The following DPP6 variants were observed in gnomAD, a reference collection of about 807,000 sequenced individuals.
The protein encoded by DPP6 is dipeptidyl peptidase like 6, also known as A-type potassium channel modulatory protein DPP6.
A neutral mutation model predicts 122.6 loss-of-function variants in DPP6; 69 were observed. That is an observed-to-expected ratio of 0.56 (90% CI 0.46 to 0.69). The LOEUF is 0.69. Among genes scored for constraint, DPP6 ranks in the 30% least tolerant of loss-of-function variants. DPP6 has a pLI of 0.00. For missense variants in DPP6, 928 were observed against 1,116.9 expected (o/e 0.83, Z 2.41); for synonymous variants, 418 against 433.1 (o/e 0.97, Z 0.43).
chr7:153,942,580 G>A (rs148719478), intron 1 of DPP6, among the ~76,000 whole-genome samples: 1 of 152,300 alleles, frequency 6.6e-6, no homozygotes, highest in East Asian at 1.9e-4. Flanking sequence ...AGACCGGTCT[G>A]TAAAATCAAT....
chr7:154,599,415 T>C (rs988041703), intron 5 of DPP6, among the ~76,000 whole-genome samples: 1 of 152,110 alleles, frequency 6.6e-6, no homozygotes, highest in African/African-American at 2.4e-5. Flanking sequence ...GTGGCTCAGG[T>C]GACGAGGTGA....
At chr7:154,477,847 A>C (rs1160616850) in intron 3 of DPP6, among the ~76,000 whole-genome samples, 5 of 152,124 alleles carry the variant, frequency 3.3e-5, no homozygotes, top group Non-Finnish European at 7.4e-5. Context: ...GGTGTTGAGG[A>C]GCTTTCTTAG....
At chr7:154,769,892 C>G (rs1478672144) in intron 9 of DPP6, among the ~76,000 whole-genome samples, 1 of 152,176 alleles carries the variant, frequency 6.6e-6, no homozygotes, top group Non-Finnish European at 1.5e-5. Flanking sequence ...CATCTTATTT[C>G]TACTTTGAGT....
intron 1 of DPP6, among the ~76,000 whole-genome samples, chr7:154,089,858 A>G (rs990703863): frequency 2.0e-5 from 3 of 152,132 alleles, no homozygotes; most frequent in Admixed American, 2.0e-4. Context: ...ACAATTATCA[A>G]GTGTCAAAAC....
intron 3 of DPP6, among the ~76,000 whole-genome samples, chr7:154,489,597 A>G (rs2151384829): frequency 6.6e-6 from 1 of 152,204 alleles, no homozygotes; most frequent in South Asian, 2.1e-4. Flanking sequence ...CTCACATCTG[A>G]TGCTTCTGCC....
intron 1 of DPP6, among the ~76,000 whole-genome samples, chr7:154,278,066 G>A (rs1444063247): frequency 2.0e-5 from 3 of 152,184 alleles, no homozygotes; most frequent in Non-Finnish European, 4.4e-5. Flanking sequence ...AAAATAAAAA[G>A]CCAGGCCCTC....
At chr7:154,873,898 CCA>C (rs1310005184) in intron 19 of DPP6, among the ~76,000 whole-genome samples, 4 of 145,838 alleles carry the variant, frequency 2.7e-5, no homozygotes, top group Admixed American at 1.4e-4. Context: ...ACACACGCAC[CCA>C]CACACATAGG....
At chr7:153,766,418 T>C in the DPP6 span, among the ~76,000 whole-genome samples, 1 of 152,212 alleles carries the variant, frequency 6.6e-6, no homozygotes, top group Non-Finnish European at 1.5e-5. Flanking sequence ...ATATTTTATG[T>C]TTATCTTATC....
chr7:154,220,687 C>A (rs1328635218), intron 1 of DPP6, among the ~76,000 whole-genome samples: 1 of 152,182 alleles, frequency 6.6e-6, no homozygotes, highest in Non-Finnish European at 1.5e-5. Context: ...TTCCAGCCTC[C>A]AGAACTGTGA....
chr7:154,307,575 T>A (rs1039819556), intron 1 of DPP6, among the ~76,000 whole-genome samples: 4 of 151,634 alleles, frequency 2.6e-5, no homozygotes, highest in African/African-American at 9.7e-5. Context: ...ACATTTCAAG[T>A]GTATATACCT....
intron 3 of DPP6, among the ~76,000 whole-genome samples, chr7:154,488,358 C>T (rs894130607): frequency 2.0e-5 from 3 of 151,558 alleles, no homozygotes; most frequent in Admixed American, 6.6e-5. Context: ...GGCGTGGTGG[C>T]GGGTGCCTGT....
At chr7:154,786,218 A>G (rs1797326232) in intron 10 of DPP6, among the ~76,000 whole-genome samples, 1 of 152,206 alleles carries the variant, frequency 6.6e-6, no homozygotes, top group Non-Finnish European at 1.5e-5. Context: ...CTCTTTTTTC[A>G]CACATTTGAA....
chr7:154,307,349 G>A (rs1008658110), intron 1 of DPP6, among the ~76,000 whole-genome samples: 1 of 152,170 alleles, frequency 6.6e-6, no homozygotes, highest in African/African-American at 2.4e-5. Flanking sequence ...TAAAACTGAA[G>A]AGCAGAGGCA....
chr7:154,125,667 G>A (rs1807827762), intron 1 of DPP6, among the ~76,000 whole-genome samples: 1 of 152,186 alleles, frequency 6.6e-6, no homozygotes, highest in African/African-American at 2.4e-5. Flanking sequence ...TTCTGCTGGT[G>A]CACATTAGGT....
At chr7:154,419,213 A>G (rs1405509180) in intron 1 of DPP6, among the ~76,000 whole-genome samples, 3 of 152,216 alleles carry the variant, frequency 2.0e-5, no homozygotes, top group Non-Finnish European at 4.4e-5. Flanking sequence ...GGGCGTTTGC[A>G]TGTTTCAACA....
At chr7:154,609,058 G>A (rs1291859438) in intron 5 of DPP6, among the ~76,000 whole-genome samples, 1 of 152,208 alleles carries the variant, frequency 6.6e-6, no homozygotes, top group East Asian at 1.9e-4. Flanking sequence ...CCCTAGGCCT[G>A]TATTCAGACC....
chr7:154,718,607 C>T (rs1026224157), intron 7 of DPP6, among the ~76,000 whole-genome samples: 1 of 149,472 alleles, frequency 6.7e-6, no homozygotes, highest in African/African-American at 2.5e-5. Flanking sequence ...TTAAAGCTGG[C>T]TTGCCTGGGT....
chr7:154,113,467 T>C (rs1015866031), intron 1 of DPP6, among the ~76,000 whole-genome samples: 7 of 152,156 alleles, frequency 4.6e-5, no homozygotes, highest in Non-Finnish European at 7.4e-5. Context: ...CATATAGATA[T>C]ATAATAGCAA....
the DPP6 span, among the ~76,000 whole-genome samples, chr7:153,789,236 T>C: frequency 6.6e-6 from 1 of 152,224 alleles, no homozygotes; most frequent in Admixed American, 6.5e-5. Flanking sequence ...AAATTTGTTG[T>C]GTCTCATAAT....
Sources: gnomAD v4.1 joint callset for allele counts (sites outside exome capture counted in the v4.1 genomes callset) on GRCh38, gnomAD v4.1.1 for gene constraint, MANE v1.5 for transcripts, NCBI Gene and HGNC (gene_info 2026-07-23, HGNC 2026-07-21) for gene names.